Variants in ARAP2 observed in about 807,000 individuals in gnomAD.
ARAP2 encodes the protein arf-GAP with Rho-GAP domain, ANK repeat and PH domain-containing protein 2.
A neutral mutation model predicts 194.5 loss-of-function variants in ARAP2; 148 were observed. That is an observed-to-expected ratio of 0.76 (90% CI 0.67 to 0.87). The LOEUF is 0.87. Ranked by LOEUF, ARAP2 falls within the 40% of genes least tolerant of loss-of-function variation. ARAP2 has a pLI of 0.00. For synonymous variants in ARAP2, 695 were observed against 683.5 expected, an observed-to-expected ratio of 1.02 and a Z score of -0.26; for missense variants, 2,128 against 1,989.7, an observed-to-expected ratio of 1.07 and a Z score of -1.32.
intron 28 of ARAP2, among the ~76,000 whole-genome samples, chr4:36,090,354 C>T (rs1226953664): frequency 1.3e-5 from 2 of 152,056 alleles, no homozygotes; most frequent in African/African-American, 4.8e-5. Context: ...ACCATTCCTA[C>T]TGAAACTATT....
chr4:36,178,041 C>T (rs1380190153), intron 8 of ARAP2, 36 bp from the exon 9 acceptor site: 2 of 1,538,932 alleles, frequency 1.3e-6, no homozygotes, highest in Non-Finnish European at 1.8e-6. Flanking sequence ...CATAAATCCA[C>T]ATATAAGTTA....
intron 8 of ARAP2, among the ~76,000 whole-genome samples, chr4:36,014,305 G>GAGAAA (rs879307458): frequency 1.1e-5 from 1 of 93,086 alleles, no homozygotes; most frequent in African/African-American, 5.6e-5. Flanking sequence ...AAGAAGAGAA[G>GAGAAA]GAAGGAAAGA....
In ARAP2 at chr4:36,080,208, T is replaced by C. The variant is rs200342622; in HGVS notation, c.4608+8A>G. 6.2e-7 allele frequency: 1 copy of C among 1,610,934 alleles called. No individual in the cohort carries two copies. Among genetic ancestry groups the C allele is most frequent in the Non-Finnish European group, 8.5e-7 (1 of 1,177,494 alleles). ...TACTCTACTGGATAGTTCAAACAAA[T>C]CTCGTACCTGGGCAATAAAGATACT... On this transcript the variant is annotated splice_region_variant and intron_variant, in intron 31 of 32. Coordinates refer to ENST00000303965, the MANE Select transcript of ARAP2 (RefSeq NM_015230.4).
intron 31 of ARAP2, among the ~76,000 whole-genome samples, chr4:36,079,547 C>T (rs1168562247): frequency 6.6e-6 from 1 of 152,112 alleles, no homozygotes; most frequent in Non-Finnish European, 1.5e-5. Flanking sequence ...GGGAAACAAA[C>T]CAGTCCAATT....
intron 23 of ARAP2, among the ~76,000 whole-genome samples, chr4:36,120,336 G>A (rs1264650692): frequency 6.6e-6 from 1 of 151,542 alleles, no homozygotes; most frequent in Non-Finnish European, 1.5e-5. Context: ...GATACAGACT[G>A]TGATATTTTG....
chr4:36,107,814 ATATCTTATGT>A (rs1718811712), intron 26 of ARAP2, 121 bp from the exon 27 acceptor site: 11 of 873,760 alleles, frequency 1.3e-5, no homozygotes, highest in Middle Eastern at 3.8e-4. Context: ...ATACACAATC[ATATCTTATGT>A]TATATTATAC....
At chr4:36,080,074 A>C (rs762615761) in intron 31 of ARAP2, 142 bp downstream of exon 31, 2 of 617,256 alleles carry the variant, frequency 3.2e-6, no homozygotes, top group Non-Finnish European at 5.5e-6. Context: ...TTAAAAACTA[A>C]GAATGAGAGA....
intron 15 of ARAP2, 71 bp downstream of exon 15, chr4:36,158,659 C>A (rs1416334224): frequency 2.2e-6 from 3 of 1,338,270 alleles, no homozygotes; most frequent in African/African-American, 1.5e-5. Context: ...AAATCAAAAT[C>A]TAAACCTAAT....
At position 36,162,252 on chromosome 4, in the gene ARAP2, C is replaced by T. The variant is rs190682865; in HGVS notation, c.2174-702G>A. ...CACTGAAAACCTTTTGTAAAGCTTGCTAAAACCCCACGTATGTAAATGCAG... is the reference window on the plus strand; with the variant it reads ...CACTGAAAACCTTTTGTAAAGCTTGTTAAAACCCCACGTATGTAAATGCAG... On this transcript the variant is annotated intron_variant, in intron 11 of 32. Transcript: ENST00000303965. Among the ~76,000 whole-genome samples the T allele has an allele frequency of 1.7e-3, 262 of 152,174 alleles. 1 individual carries two copies. The highest frequency in any genetic ancestry group is 5.1e-3 in the African/African-American group (213 of 41,512).
At chr4:36,187,999 C>A (rs771734979) in intron 7 of ARAP2, among the ~76,000 whole-genome samples, 4 of 152,174 alleles carry the variant, frequency 2.6e-5, no homozygotes, top group Non-Finnish European at 4.4e-5. Context: ...CCAAAATATA[C>A]CTTAAACACA....
intron 6 of ARAP2, among the ~76,000 whole-genome samples, chr4:36,198,608 G>A (rs891413168): frequency 6.6e-6 from 1 of 152,204 alleles, no homozygotes; most frequent in African/African-American, 2.4e-5. Flanking sequence ...GTCCAGAGTG[G>A]GGCTGAGGCA....
intron 9 of ARAP2, among the ~76,000 whole-genome samples, chr4:36,174,004 G>A (rs1737250969): frequency 6.6e-6 from 1 of 152,172 alleles, no homozygotes; most frequent in African/African-American, 2.4e-5. Context: ...ACATATAGAA[G>A]GTTACCAGAA....
chr4:36,239,601 T>C (rs73130495), intron 1 of ARAP2, among the ~76,000 whole-genome samples: 233 of 152,292 alleles, frequency 1.5e-3, no homozygotes, highest in African/African-American at 5.1e-3. Flanking sequence ...AGTAGAACCA[T>C]GATTACCAGA....
chr4:36,088,385 A>G (rs1045570942), intron 28 of ARAP2, among the ~76,000 whole-genome samples: 4 of 152,102 alleles, frequency 2.6e-5, no homozygotes, highest in African/African-American at 4.8e-5. Context: ...TCACAAGCAT[A>G]AACGTAAAGT....
chr4:36,097,857 T>C (rs1715732046), intron 27 of ARAP2, among the ~76,000 whole-genome samples: 3 of 152,080 alleles, frequency 2.0e-5, no homozygotes, highest in Admixed American at 6.6e-5. Flanking sequence ...TTGGAGTTTA[T>C]TGAAAGGTCT....
chr4:36,021,054 G>A (rs999350181), intron 5 of ARAP2, among the ~76,000 whole-genome samples: 1 of 152,172 alleles, frequency 6.6e-6, no homozygotes, highest in Non-Finnish European at 1.5e-5. Context: ...AGTTAAGAAG[G>A]AAAGATGATA....
intron 9 of ARAP2, among the ~76,000 whole-genome samples, chr4:36,171,455 G>A (rs998061465): frequency 6.6e-6 from 1 of 151,942 alleles, no homozygotes; most frequent in Non-Finnish European, 1.5e-5. Flanking sequence ...TCACTCATAG[G>A]TGGGAAATGA....
chr4:36,022,051 G>A (rs1490308740), intron 5 of ARAP2, among the ~76,000 whole-genome samples: 1 of 152,166 alleles, frequency 6.6e-6, no homozygotes, highest in Admixed American at 6.6e-5. Context: ...ACAACCGTAA[G>A]TGTTTGTGTA....
At chr4:36,089,951 A>C in intron 28 of ARAP2, among the ~76,000 whole-genome samples, 1 of 151,976 alleles carries the variant, frequency 6.6e-6, no homozygotes, top group South Asian at 2.1e-4. Flanking sequence ...TCTTTGGATG[A>C]GCATGCTATT....
Sources: allele counts gnomAD v4.1 joint callset (sites outside exome capture counted in the v4.1 genomes callset), GRCh38; gene constraint gnomAD v4.1.1; transcripts MANE v1.5; gene names NCBI Gene and HGNC (gene_info 2026-07-23, HGNC 2026-07-21).